Variants in PITPNC1 observed in about 807,000 individuals in gnomAD.
PITPNC1 encodes the protein cytoplasmic phosphatidylinositol transfer protein 1.
PITPNC1 carries 18 observed loss-of-function variants against 44.7 expected under a neutral mutation model. The ratio of observed to expected loss-of-function variants is 0.40; its 90% CI spans 0.28 to 0.60. PITPNC1 has a LOEUF of 0.60. Ranked by LOEUF, PITPNC1 falls within the 20% of genes least tolerant of loss-of-function variation. The pLI is 0.39. For missense variants in PITPNC1, 290 were observed against 418.4 expected (o/e 0.69, Z 2.68); for synonymous variants, 141 against 149.6 (o/e 0.94, Z 0.42).
chr17:67,396,687 G>GA (rs1374610828), intron 1 of PITPNC1, among the ~76,000 whole-genome samples: 2 of 151,160 alleles, frequency 1.3e-5, no homozygotes, highest in African/African-American at 4.9e-5. Flanking sequence ...TATTTTTTGA[G>GA]ATGGGGTCTC....
At chr17:67,555,874 G>A (rs1053859272) in intron 4 of PITPNC1, among the ~76,000 whole-genome samples, 7 of 151,758 alleles carry the variant, frequency 4.6e-5, no homozygotes, top group Non-Finnish European at 7.4e-5. Flanking sequence ...TTAAGTCAAC[G>A]GTCATTTATT....
At chr17:67,636,726 G>T (rs1025985802) in intron 6 of PITPNC1, among the ~76,000 whole-genome samples, 1 of 152,182 alleles carries the variant, frequency 6.6e-6, no homozygotes, top group Admixed American at 6.5e-5. Context: ...AAGGAAGAGG[G>T]GTGAGTTTCC....
Position 67,687,263 on chromosome 17 carries a change from C to T in PITPNC1, c.683-5309C>T, listed in dbSNP as rs1598999190. ...ACTGATCTGGGAAATACTGCAGATG[C>T]CCGGTTCGCAACCTTCCATAGAAAC... On this transcript the variant is annotated intron_variant, in intron 8 of 8. Transcript: ENST00000581322. 4 of 784,048 alleles carry T rather than the reference C, an allele frequency of 5.1e-6. No homozygotes were observed. The Admixed American group carries it at 8.1e-5, about 16-fold the overall frequency. 48.6% of individuals were successfully genotyped at this position (784,048 alleles called of 1,614,324 possible). A position where few individuals can be genotyped will look rare whatever the true frequency, so the allele number is the denominator to read the frequency against.
intron 5 of PITPNC1, among the ~76,000 whole-genome samples, chr17:67,582,392 C>T (rs2041247305): frequency 6.6e-6 from 1 of 152,202 alleles, no homozygotes; most frequent in African/African-American, 2.4e-5. Context: ...TACCATCCTT[C>T]ATACTGCTAT....
intron 1 of PITPNC1, among the ~76,000 whole-genome samples, chr17:67,531,952 C>G (rs571722157): frequency 6.6e-6 from 1 of 152,188 alleles, no homozygotes; most frequent in African/African-American, 2.4e-5. Flanking sequence ...CGAAAGTCCA[C>G]TGGGGGAAGA....
At chr17:67,393,014 C>CA (rs2143803884) in intron 1 of PITPNC1, among the ~76,000 whole-genome samples, 1 of 151,736 alleles carries the variant, frequency 6.6e-6, no homozygotes, top group East Asian at 1.9e-4. Flanking sequence ...CCTGTGACCC[C>CA]AGCTACTCAG....
intron 1 of PITPNC1, among the ~76,000 whole-genome samples, chr17:67,483,480 C>G (rs1487954526): frequency 6.6e-6 from 1 of 152,176 alleles, no homozygotes; most frequent in African/African-American, 2.4e-5. Flanking sequence ...GTAAAGCGGT[C>G]AAAGAGCTGA....
intron 1 of PITPNC1, among the ~76,000 whole-genome samples, chr17:67,514,629 A>G (rs1002008038): frequency 7.0e-6 from 1 of 143,424 alleles, no homozygotes; most frequent in African/African-American, 2.6e-5. Context: ...GTTCAAGACC[A>G]GCCTGGCCAA....
Position 67,508,117 on chromosome 17 carries a change from A to T in PITPNC1, c.49-24685A>T. 6.6e-6 allele frequency among the ~76,000 whole-genome samples: 1 copy of T among 152,336 alleles called. No homozygotes were observed. Among genetic ancestry groups the T allele is most frequent in the South Asian group, 2.1e-4 (1 of 4,824 alleles). ...CCCATCCTACCAGTTACGCAGCCAG[A>T]AAATTGAATGTCCTCATGAAATTTG... On this transcript the variant is annotated intron_variant, in intron 1 of 8. Transcript: ENST00000581322. This position sits in a 1 kb window ranked among gnomAD's most constrained non-coding sequence, Gnocchi z 4.2.
intron 5 of PITPNC1, among the ~76,000 whole-genome samples, chr17:67,626,422 G>T (rs2144322362): frequency 6.6e-6 from 1 of 152,272 alleles, no homozygotes; most frequent in African/African-American, 2.4e-5. Flanking sequence ...ACAGGCTGGA[G>T]TGCAGTGGTG....
chr17:67,631,655 A>ATATAT (rs57804710), intron 5 of PITPNC1, among the ~76,000 whole-genome samples: 9 of 8,298 alleles, frequency 1.1e-3, no homozygotes, highest in African/African-American at 2.5e-3. Flanking sequence ...AAAAAAAAAA[A>ATATAT]AAATATATAT....
intron 5 of PITPNC1, chr17:67,612,621 C>A (rs1598885992): frequency 6.6e-6 from 1 of 152,084 alleles, no homozygotes; most frequent in East Asian, 1.9e-4. Flanking sequence ...AGCTTCCTAG[C>A]ATATTGGGAA....
chr17:67,397,309 G>C (rs1003982638), intron 1 of PITPNC1, among the ~76,000 whole-genome samples: 5 of 152,240 alleles, frequency 3.3e-5, no homozygotes, highest in African/African-American at 1.2e-4. Flanking sequence ...TAAAGAGAGA[G>C]TTCAGTACTG....
intron 8 of PITPNC1, among the ~76,000 whole-genome samples, chr17:67,679,798 TAAC>T (rs937301898): frequency 6.6e-6 from 1 of 152,114 alleles, no homozygotes; most frequent in Non-Finnish European, 1.5e-5. Flanking sequence ...ATCAGAGAAA[TAAC>T]AACAACGTAT....
intron 1 of PITPNC1, among the ~76,000 whole-genome samples, chr17:67,497,029 G>A (rs1176762824): frequency 6.6e-6 from 1 of 152,048 alleles, no homozygotes; most frequent in Non-Finnish European, 1.5e-5. Context: ...GGGAGGCTGA[G>A]GTGGGAGGAT....
chr17:67,402,918 T>C (rs1598619631), intron 1 of PITPNC1, among the ~76,000 whole-genome samples: 1 of 152,092 alleles, frequency 6.6e-6, no homozygotes, highest in Admixed American at 6.6e-5. Context: ...CTGCCCACCT[T>C]GGCCTCCCAA....
intron 8 of PITPNC1, among the ~76,000 whole-genome samples, chr17:67,678,232 G>T (rs201989837): frequency 9.9e-6 from 1 of 101,314 alleles, no homozygotes; most frequent in Non-Finnish European, 2.2e-5. Context: ...AAAAAAAAAA[G>T]AATTCTGGGA....
At chr17:67,642,874 C>A (rs1003649978) in intron 6 of PITPNC1, among the ~76,000 whole-genome samples, 8 of 151,992 alleles carry the variant, frequency 5.3e-5, no homozygotes, top group Admixed American at 2.0e-4. Flanking sequence ...GGGAAAAAAA[C>A]CATTTAAACT....
intron 1 of PITPNC1, among the ~76,000 whole-genome samples, chr17:67,469,042 TGA>T (rs995421895): frequency 6.6e-6 from 1 of 152,150 alleles, no homozygotes; most frequent in Admixed American, 6.5e-5. Context: ...GTGACTTTCT[TGA>T]GAGAGTATGG....
Sources: allele counts gnomAD v4.1 joint callset (sites outside exome capture counted in the v4.1 genomes callset), GRCh38; gene constraint gnomAD v4.1.1; non-coding constraint Gnocchi (gnomAD v3.1); transcripts MANE v1.5; gene names NCBI Gene and HGNC (gene_info 2026-07-23, HGNC 2026-07-21).